Variants in LIN9 observed in about 807,000 individuals in gnomAD.
The protein encoded by LIN9 is lin-9 DREAM MuvB core complex component.
A neutral mutation model predicts 78.0 loss-of-function variants in LIN9; 18 were observed. The ratio of observed to expected loss-of-function variants is 0.23; its 90% confidence interval spans 0.16 to 0.34. LIN9 has a LOEUF of 0.34. Among genes scored for constraint, LIN9 ranks in the 10% least tolerant of loss-of-function variants. The probability of loss-of-function intolerance (pLI) is 1.00; values close to 1 mark genes in which losing one functional copy is unlikely to be tolerated. For missense variants in LIN9, 451 were observed against 644.1 expected (o/e 0.70, Z 3.25); for synonymous variants, 192 against 215.2 (o/e 0.89, Z 0.94).
intron 1 of LIN9, among the ~76,000 whole-genome samples, chr1:226,306,314 A>G (rs142870776): frequency 1.4e-3 from 213 of 151,818 alleles, no homozygotes; most frequent in African/African-American, 4.8e-3. Flanking sequence ...ACACAGCAAG[A>G]CTCTGTCTCA....
intron 11 of LIN9, among the ~76,000 whole-genome samples, chr1:226,240,035 A>G (rs1658006149): frequency 1.3e-5 from 2 of 152,166 alleles, no homozygotes; most frequent in Non-Finnish European, 2.9e-5. Flanking sequence ...AACTACTTAT[A>G]TAGGTTCCAA....
At chr1:226,274,140 T>C (rs908443411) in intron 7 of LIN9, among the ~76,000 whole-genome samples, 2 of 152,194 alleles carry the variant, frequency 1.3e-5, no homozygotes, top group Non-Finnish European at 2.9e-5. Flanking sequence ...GCCTTAACAT[T>C]ACTTTCTACT....
At chr1:226,232,988 G>A (rs1397072161) in intron 14 of LIN9, 108 bp downstream of exon 14, 8 of 628,444 alleles carry the variant, frequency 1.3e-5, no homozygotes, top group Admixed American at 9.6e-5. Flanking sequence ...TATATTTAAC[G>A]GATAATAATA....
At chr1:226,309,203 G>A (rs778275414), upstream of LIN9, 5 of 1,459,586 alleles carry the variant, frequency 3.4e-6, no homozygotes, top group African/African-American at 2.9e-5. Context: ...GGCGGAGACT[G>A]TCTTTGCGAG....
chr1:226,292,827 G>T (rs969247192), intron 4 of LIN9, among the ~76,000 whole-genome samples: 3 of 152,078 alleles, frequency 2.0e-5, no homozygotes, highest in African/African-American at 7.2e-5. Context: ...GTAGGACTCT[G>T]GAGACAGGCT....
intron 10 of LIN9, among the ~76,000 whole-genome samples, chr1:226,251,286 G>A (rs1658821679): frequency 6.8e-6 from 1 of 148,004 alleles, no homozygotes; most frequent in African/African-American, 2.5e-5. Context: ...GGAGTGCAAT[G>A]GCGTGATCTT....
intron 6 of LIN9, among the ~76,000 whole-genome samples, chr1:226,281,850 C>A (rs775398902): frequency 1.5e-4 from 23 of 152,108 alleles, no homozygotes; most frequent in African/African-American, 4.1e-4. Context: ...TGTGCCACCA[C>A]GCCCAGCTAA....
At chr1:226,259,446 T>C (rs1417528480) in intron 10 of LIN9, among the ~76,000 whole-genome samples, 1 of 152,154 alleles carries the variant, frequency 6.6e-6, no homozygotes, top group Non-Finnish European at 1.5e-5. Context: ...ATCAATTAAC[T>C]GGATATAATT....
At chr1:226,258,257 T>G (rs1659332391) in intron 10 of LIN9, among the ~76,000 whole-genome samples, 1 of 151,862 alleles carries the variant, frequency 6.6e-6, no homozygotes, top group Non-Finnish European at 1.5e-5. Context: ...TTCCAGCACT[T>G]TGGGAGGCTG....
intron 10 of LIN9, among the ~76,000 whole-genome samples, chr1:226,259,638 A>G (rs368856003): frequency 6.6e-6 from 1 of 152,228 alleles, no homozygotes; most frequent in Non-Finnish European, 1.5e-5. Context: ...TCAATAACAA[A>G]GAAAGCTGTA....
At chr1:226,273,745 T>G (rs182026985) in intron 7 of LIN9, among the ~76,000 whole-genome samples, 177 of 152,202 alleles carry the variant, frequency 1.2e-3, no homozygotes, top group African/African-American at 3.9e-3. Flanking sequence ...CAGCAATATG[T>G]TTTATCAAGC....
intron 6 of LIN9, among the ~76,000 whole-genome samples, chr1:226,278,957 TAAA>T (rs398053860): frequency 8.6e-6 from 1 of 115,692 alleles, no homozygotes; most frequent in African/African-American, 3.4e-5. Flanking sequence ...CCGTCTCTAC[TAAA>T]AAAAAAAAAA....
chr1:226,260,745 C>G, intron 10 of LIN9, among the ~76,000 whole-genome samples: 1 of 147,824 alleles, frequency 6.8e-6, no homozygotes, highest in East Asian at 2.1e-4. Context: ...CCCAGGTTCA[C>G]GCCAGTCTCC....
intron 6 of LIN9, among the ~76,000 whole-genome samples, chr1:226,285,798 A>T (rs148091147): frequency 1.7e-3 from 263 of 152,298 alleles, no homozygotes; most frequent in South Asian, 3.9e-3. Flanking sequence ...TTCACAAAAG[A>T]TAACAAAAAT....
intron 8 of LIN9, among the ~76,000 whole-genome samples, chr1:226,267,286 CAT>C (rs1467824554): frequency 4.2e-4 from 43 of 102,856 alleles, no homozygotes; most frequent in African/African-American, 5.1e-4. Flanking sequence ...CAAAGACATA[CAT>C]ATATATGTGT....
chr1:226,303,528 T>C (rs1190219620), intron 1 of LIN9, among the ~76,000 whole-genome samples: 1 of 152,250 alleles, frequency 6.6e-6, no homozygotes, highest in Non-Finnish European at 1.5e-5. Context: ...TATCCACTCC[T>C]GCTCCACGAA....
At chr1:226,291,693 GC>G (rs1269003622) in intron 4 of LIN9, among the ~76,000 whole-genome samples, 2 of 152,040 alleles carry the variant, frequency 1.3e-5, no homozygotes, top group Non-Finnish European at 2.9e-5. Flanking sequence ...ATTCCCACAT[GC>G]CCTTCACCTG....
chr1:226,279,952 C>T (rs1328209288), intron 6 of LIN9, among the ~76,000 whole-genome samples: 1 of 152,100 alleles, frequency 6.6e-6, no homozygotes, highest in Non-Finnish European at 1.5e-5. Flanking sequence ...ATCTAGATCT[C>T]ATAGGGACCA....
At chr1:226,248,375 ACATTGTTAAGCAGACTGCTT>A (rs1658618048) in intron 11 of LIN9, among the ~76,000 whole-genome samples, 1 of 152,180 alleles carries the variant, frequency 6.6e-6, no homozygotes, top group Non-Finnish European at 1.5e-5. Context: ...AATCTCATAG[ACATTGTTAAGCAGACTGCTT>A]CATTTTTTCT....
Sources: allele counts gnomAD v4.1 joint callset (sites outside exome capture counted in the v4.1 genomes callset), GRCh38; gene constraint gnomAD v4.1.1; transcripts MANE v1.5; gene names NCBI Gene and HGNC (gene_info 2026-07-23, HGNC 2026-07-21).